The following DGKH variants were observed in gnomAD, a reference collection of about 807,000 sequenced individuals.
DGKH encodes diacylglycerol kinase eta.
A neutral mutation model predicts 159.3 loss-of-function variants in DGKH; 90 were observed. The observed-to-expected ratio is 0.57, with a 90% CI of 0.48 to 0.67. DGKH has a LOEUF of 0.67. Among genes scored for constraint, DGKH ranks in the 30% least tolerant of loss-of-function variants. The pLI is 0.00. For synonymous variants in DGKH, 536 were observed against 553.8 expected (o/e 0.97, Z 0.45); for missense variants, 1,181 against 1,506.1 (o/e 0.78, Z 3.57).
intron 20 of DGKH, among the ~76,000 whole-genome samples, chr13:42,201,964 C>T (rs1310634108): frequency 6.6e-6 from 1 of 152,098 alleles, no homozygotes; most frequent in Non-Finnish European, 1.5e-5. Context: ...TTTTCCCCTA[C>T]ATTTATAATT....
chr13:42,149,621 A>G (rs1955827719), intron 3 of DGKH, among the ~76,000 whole-genome samples: 1 of 152,268 alleles, frequency 6.6e-6, no homozygotes, highest in African/African-American at 2.4e-5. Context: ...GACCTTCTGC[A>G]CTTTGCTCAC....
At chr13:42,095,495 C>T (rs1367454712) in intron 1 of DGKH, among the ~76,000 whole-genome samples, 1 of 151,796 alleles carries the variant, frequency 6.6e-6, no homozygotes, top group Non-Finnish European at 1.5e-5. Flanking sequence ...GTGCTTAATA[C>T]CTATTGGTAG....
In DGKH at chr13:42,189,819, G is replaced by A. The variant is rs544013552; in HGVS notation, c.1912+510G>A. 4.6e-5 allele frequency among the ~76,000 whole-genome samples: 7 copies of A among 151,990 alleles called. No individual in the cohort carries two copies. The East Asian group carries it at 1.2e-3, about 25-fold the overall frequency. On this transcript the variant is annotated intron_variant, in intron 15 of 29. Coordinates refer to ENST00000337343, the MANE Select transcript of DGKH (RefSeq NM_178009.5). ...GTAGTTGGGACCACAGATGTGCACC[G>A]CCATACCCAGCTAATTTTTTGTAGT...
chr13:42,072,102 GA>G (rs915323170), intron 1 of DGKH, among the ~76,000 whole-genome samples: 2 of 152,154 alleles, frequency 1.3e-5, no homozygotes, highest in African/African-American at 4.8e-5. Context: ...TGAATTAGAA[GA>G]AAAAACTTTT....
intron 3 of DGKH, among the ~76,000 whole-genome samples, chr13:42,132,409 G>A (rs2137854162): frequency 6.6e-6 from 1 of 152,260 alleles, no homozygotes; most frequent in Non-Finnish European, 1.5e-5. Flanking sequence ...TCCTTTAAGA[G>A]TTTAATCTGA....
At chr13:42,058,403 T>G (rs1241435335) in intron 1 of DGKH, among the ~76,000 whole-genome samples, 13 of 152,178 alleles carry the variant, frequency 8.5e-5, no homozygotes, top group Admixed American at 8.5e-4. Flanking sequence ...GAATACACAA[T>G]ATAATTCCAC....
chr13:42,084,927 A>G (rs1353829220), intron 1 of DGKH, among the ~76,000 whole-genome samples: 1 of 151,944 alleles, frequency 6.6e-6, no homozygotes, highest in Non-Finnish European at 1.5e-5. Flanking sequence ...CTTAGTAAAA[A>G]AAAAAAAATT....
At chr13:42,156,010 A>G (rs915520637) in intron 5 of DGKH, among the ~76,000 whole-genome samples, 3 of 113,560 alleles carry the variant, frequency 2.6e-5, no homozygotes, top group African/African-American at 5.3e-5. Context: ...ACTACTGTCT[A>G]AAAAAAAAAA....
At chr13:42,047,007 C>CT (rs1880835781), upstream of DGKH, among the ~76,000 whole-genome samples, 1 of 152,172 alleles carries the variant, frequency 6.6e-6, no homozygotes, top group African/African-American at 2.4e-5. Flanking sequence ...TTATTTTTCT[C>CT]TTTTAAGAAT....
chr13:42,136,859 A>G (rs1955412589), intron 3 of DGKH, among the ~76,000 whole-genome samples: 1 of 152,196 alleles, frequency 6.6e-6, no homozygotes, highest in Non-Finnish European at 1.5e-5. Context: ...TCCACAGCAG[A>G]TGTGAGTAAA....
intron 3 of DGKH, among the ~76,000 whole-genome samples, chr13:42,148,716 C>T (rs1955799377): frequency 6.6e-6 from 1 of 152,070 alleles, no homozygotes; most frequent in East Asian, 1.9e-4. Context: ...TTAAAAGGTT[C>T]CTCATAATTG....
rs1957032450 is a variant in DGKH at position 42,190,384 on chromosome 13, GTCT to G, written c.1913-14_1913-12del. ...TTATTTTCACTTATCCAAACTATTT[GTCT>G]TCTTACTACCTGAAGTTATGGATGA... On this transcript the variant is annotated splice_polypyrimidine_tract_variant and intron_variant, in intron 15 of 29. Coordinates refer to ENST00000337343, the MANE Select transcript of DGKH (RefSeq NM_178009.5). The G allele has an allele frequency of 1.9e-6, 3 of 1,599,270 alleles. No individual in the cohort carries two copies. Among genetic ancestry groups the G allele is most frequent in the Non-Finnish European group, 2.6e-6 (3 of 1,175,124 alleles).
chr13:42,221,987 A>G (rs1291353482), intron 29 of DGKH, among the ~76,000 whole-genome samples: 3 of 152,168 alleles, frequency 2.0e-5, no homozygotes, highest in African/African-American at 7.2e-5. Flanking sequence ...TTTTTTCTTT[A>G]GTAAACGAGG....
At chr13:42,082,352 G>C (rs1289431761) in intron 1 of DGKH, among the ~76,000 whole-genome samples, 1 of 151,994 alleles carries the variant, frequency 6.6e-6, no homozygotes, top group Non-Finnish European at 1.5e-5. Flanking sequence ...TATTTTTCTA[G>C]ACCTTACAAT....
chr13:42,255,929 A>G, intron 30 of DGKH: 1 of 1,596,788 alleles, frequency 6.3e-7, no homozygotes, highest in Non-Finnish European at 8.5e-7. Context: ...CACTGCTCCA[A>G]ATAAATTTGA....
chr13:42,155,771 A>T lies in DGKH; in HGVS notation c.594A>T (p.Gly198=). 6.2e-7 allele frequency: 1 copy of T among 1,614,068 alleles called. No homozygotes were observed. Among genetic ancestry groups the T allele is most frequent in the Non-Finnish European group, 8.5e-7 (1 of 1,179,994 alleles). The change falls in exon 5 of 30, where the codon GGA becomes GGT. Residue 198 remains glycine (G), a synonymous_variant. Coordinates refer to ENST00000337343, the MANE Select transcript of DGKH (RefSeq NM_178009.5). ...ACGTGTGCAGAGAGAGTCTTTCTGG[A>T]GTCACCTCCCATGGCCTGTCCTGCG... The part of the protein sequence containing the change: ...FCNVCRESLS[G]VTSHGLSCEV...
At chr13:42,183,964 C>T (rs1309498688) in intron 13 of DGKH, among the ~76,000 whole-genome samples, 2 of 152,094 alleles carry the variant, frequency 1.3e-5, no homozygotes, top group African/African-American at 2.4e-5. Context: ...GTTCTGTGTA[C>T]AAAAGTTTCA....
intron 17 of DGKH, among the ~76,000 whole-genome samples, chr13:42,197,466 A>G (rs1254787597): frequency 1.3e-5 from 2 of 152,098 alleles, no homozygotes; most frequent in Non-Finnish European, 1.5e-5. Flanking sequence ...AATTCATTGT[A>G]TTTGATAATT....
rs528184890 is a variant in DGKH, at chr13:42,225,085, C to T, written c.3573+3691C>T. ...TACATGTGCATGCCGTCACACCCAA[C>T]TAATATCTTTTATTTTTTGTAGAGA... On this transcript the variant is annotated intron_variant, in intron 29 of 29. Transcript: ENST00000337343. 2.6e-5 allele frequency among the ~76,000 whole-genome samples: 4 copies of T among 152,146 alleles called. No individual in the cohort carries two copies. The East Asian group carries it at 7.7e-4, about 29-fold the overall frequency.
Sources: allele counts gnomAD v4.1 joint callset (sites outside exome capture counted in the v4.1 genomes callset), GRCh38; gene constraint gnomAD v4.1.1; transcripts MANE v1.5; gene names NCBI Gene and HGNC (gene_info 2026-07-23, HGNC 2026-07-21).